The following SYN3 variants were observed in gnomAD, a reference collection of about 807,000 sequenced individuals.
SYN3 encodes synapsin-3.
Under a neutral mutation model 65.8 loss-of-function variants are expected in SYN3, and 35 were observed. That is an observed-to-expected ratio of 0.53 (90% confidence interval 0.41 to 0.70). The LOEUF (loss-of-function observed/expected upper bound fraction) is 0.70, where lower values mean the gene tolerates loss of function less well. Ranked by LOEUF, SYN3 falls within the 30% of genes least tolerant of loss-of-function variation. The pLI, the probability that SYN3 is intolerant of heterozygous loss-of-function variation, is 0.00. For missense variants in SYN3, 680 were observed against 749.0 expected, an observed-to-expected ratio of 0.91 and a Z score of 1.08; for synonymous variants, 270 against 292.9, an observed-to-expected ratio of 0.92 and a Z score of 0.80.
At chr22:32,635,370 C>T (rs1208528192) in intron 6 of SYN3, among the ~76,000 whole-genome samples, 1 of 152,118 alleles carries the variant, frequency 6.6e-6, no homozygotes, top group Non-Finnish European at 1.5e-5. Context: ...ATTTGGGAAG[C>T]TCAGTAGATG....
intron 6 of SYN3, among the ~76,000 whole-genome samples, chr22:32,720,547 G>A (rs2147287214): frequency 6.6e-6 from 1 of 152,316 alleles, no homozygotes; most frequent in Non-Finnish European, 1.5e-5. Context: ...GCTGAACCAA[G>A]GCTAGAACCT....
chr22:32,694,448 C>A (rs5998583), intron 6 of SYN3, among the ~76,000 whole-genome samples: 6,039 of 152,240 alleles, frequency 0.04, 387 homozygotes, highest in African/African-American at 0.13. Flanking sequence ...CTTTCTACAG[C>A]TTTTCTATTC....
chr22:33,033,833 C>G (rs922747987), intron 1 of SYN3, among the ~76,000 whole-genome samples: 10 of 152,118 alleles, frequency 6.6e-5, no homozygotes, highest in African/African-American at 2.4e-4. Flanking sequence ...CTCAGCCAAG[C>G]AGACGCAAGG....
At chr22:32,983,015 T>C (rs1423650386) in intron 2 of SYN3, among the ~76,000 whole-genome samples, 1 of 152,138 alleles carries the variant, frequency 6.6e-6, no homozygotes, top group Non-Finnish European at 1.5e-5. Flanking sequence ...AAAATTGGGG[T>C]CTTTATAGGT....
chr22:32,583,458 G>C (rs1362899628), intron 7 of SYN3: 1 of 152,178 alleles, frequency 6.6e-6, no homozygotes, highest in South Asian at 2.1e-4. Context: ...GAGCGTTTTG[G>C]CTAGAGAAGC....
At chr22:32,919,001 C>T (rs2050263348) in intron 4 of SYN3, among the ~76,000 whole-genome samples, 1 of 152,222 alleles carries the variant, frequency 6.6e-6, no homozygotes, top group African/African-American at 2.4e-5. Context: ...GCTTTGTGAG[C>T]TCGGAGGTGG....
rs961446103 is a variant in SYN3 at position 32,653,034 on chromosome 22, T to C, written c.712-56298A>G. Among the ~76,000 whole-genome samples, 5 of 152,248 alleles carry C rather than the reference T, an allele frequency of 3.3e-5. No individual in the cohort carries two copies. The East Asian group carries it at 7.7e-4, about 23-fold the overall frequency. On this transcript the variant is annotated intron_variant, in intron 6 of 13. Transcript: ENST00000358763. ...TGGCCTAGAGGCAATATTAAAGTAA[T>C]TCCCTCTGTGGGTGCTTTGCTCCAT...
chr22:32,569,567 C>G (rs201273435), intron 7 of SYN3, among the ~76,000 whole-genome samples: 8 of 64,448 alleles, frequency 1.2e-4, no homozygotes, highest in Admixed American at 9.6e-4. Flanking sequence ...CTCTCTCTCT[C>G]TCTCTATATA....
intron 3 of SYN3, among the ~76,000 whole-genome samples, chr22:32,949,144 C>T (rs2051207849): frequency 6.6e-6 from 1 of 152,118 alleles, no homozygotes; most frequent in Non-Finnish European, 1.5e-5. Flanking sequence ...GGCACAGCAG[C>T]TCACACTGAT....
intron 2 of SYN3, among the ~76,000 whole-genome samples, chr22:33,004,948 C>T (rs1244907269): frequency 6.6e-6 from 1 of 151,822 alleles, no homozygotes; most frequent in Non-Finnish European, 1.5e-5. Flanking sequence ...TAATTTGAAT[C>T]CTGGGGGTGG....
At chr22:32,520,740 C>T (rs2057866176) in intron 12 of SYN3, among the ~76,000 whole-genome samples, 1 of 152,168 alleles carries the variant, frequency 6.6e-6, no homozygotes, top group Non-Finnish European at 1.5e-5. Context: ...AGCACATTTT[C>T]AGAGGACATG....
At position 32,801,072 on chromosome 22, in the gene SYN3, C is replaced by A. The variant is rs572608993; in HGVS notation, c.711+63843G>T. The stretch of plus-strand genomic sequence containing the variant: ...CCGTGTTTGTTGAATGAATACAGAA[C>A]CCCGTTTGCTCTGGGAGAGCACAGA... On this transcript the variant is annotated intron_variant, in intron 6 of 13. Coordinates refer to ENST00000358763, the MANE Select transcript of SYN3 (RefSeq NM_003490.4). The surrounding 1 kb of genome is among the most constrained non-coding windows in gnomAD (Gnocchi z 4.7). Among the ~76,000 whole-genome samples the A allele has an allele frequency of 3.3e-5, 5 of 152,304 alleles. No individual in the cohort carries two copies. The East Asian group carries it at 9.6e-4, about 29-fold the overall frequency.
intron 7 of SYN3, among the ~76,000 whole-genome samples, chr22:32,569,301 A>AT (rs60846768): frequency 4.8e-5 from 7 of 146,970 alleles, no homozygotes; most frequent in South Asian, 2.2e-4. Context: ...CTATCTATCT[A>AT]CACCTATCTA....
chr22:32,628,991 T>C (rs1480329030), intron 6 of SYN3, among the ~76,000 whole-genome samples: 1 of 152,136 alleles, frequency 6.6e-6, no homozygotes. Flanking sequence ...GCAGGTAGAA[T>C]TGCTCCGCCT....
At chr22:33,048,430 G>T (rs2054104728) in intron 1 of SYN3, among the ~76,000 whole-genome samples, 1 of 152,138 alleles carries the variant, frequency 6.6e-6, no homozygotes, top group Non-Finnish European at 1.5e-5. Flanking sequence ...TTTGAAATGT[G>T]ATCCCCAGTA....
chr22:32,569,444 TATC>T (rs2058721892), intron 7 of SYN3, among the ~76,000 whole-genome samples: 3 of 148,870 alleles, frequency 2.0e-5, no homozygotes, highest in Admixed American at 2.0e-4. Flanking sequence ...TCTATCTATC[TATC>T]TTCTCTATCT....
chr22:33,021,602 C>T (rs1262645255), intron 1 of SYN3, among the ~76,000 whole-genome samples: 1 of 152,190 alleles, frequency 6.6e-6, no homozygotes, highest in Non-Finnish European at 1.5e-5. Context: ...TCTGTTCCTT[C>T]ATCTGGAACT....
intron 4 of SYN3, among the ~76,000 whole-genome samples, chr22:32,905,954 T>G (rs2049890586): frequency 6.6e-6 from 1 of 152,156 alleles, no homozygotes; most frequent in South Asian, 2.1e-4. Flanking sequence ...GCAGCAGGTT[T>G]GGTATCATTG....
At chr22:32,678,718 C>T (rs2060481623) in intron 6 of SYN3, among the ~76,000 whole-genome samples, 1 of 152,102 alleles carries the variant, frequency 6.6e-6, no homozygotes, top group Non-Finnish European at 1.5e-5. Flanking sequence ...GACTAAGGAG[C>T]CATCCTCTCC....
Sources: allele counts gnomAD v4.1 joint callset (sites outside exome capture counted in the v4.1 genomes callset), GRCh38; gene constraint gnomAD v4.1.1; non-coding constraint Gnocchi (gnomAD v3.1); transcripts MANE v1.5; gene names NCBI Gene and HGNC (gene_info 2026-07-23, HGNC 2026-07-21).